The following RFTN1 variants were observed in gnomAD, a reference collection of about 807,000 sequenced individuals.
The protein encoded by RFTN1 is raftlin, lipid raft linker 1, also known as raftlin.
In RFTN1, 26 loss-of-function variants were observed where a neutral mutation model predicts 46.5. That is an observed-to-expected ratio of 0.56 (90% CI 0.41 to 0.78). The LOEUF (loss-of-function observed/expected upper bound fraction) is 0.78. Among genes scored for constraint, RFTN1 ranks in the 30% least tolerant of loss-of-function variants. RFTN1 has a pLI of 0.00. For missense variants in RFTN1, 693 were observed against 718.7 expected, an observed-to-expected ratio of 0.96 and a Z score of 0.41; for synonymous variants, 261 against 284.2, an observed-to-expected ratio of 0.92 and a Z score of 0.82.
intron 2 of RFTN1, among the ~76,000 whole-genome samples, chr3:16,461,734 C>G (rs1205144550): frequency 1.3e-5 from 2 of 152,188 alleles, no homozygotes; most frequent in Non-Finnish European, 1.5e-5. Context: ...GTAATTACTT[C>G]AATTCATTCA....
Position 16,504,539 on chromosome 3 carries a change from G to T in RFTN1, c.-9+8903C>A, listed in dbSNP as rs1340218675. Among the ~76,000 whole-genome samples, 1 of 152,210 alleles carries T rather than the reference G, an allele frequency of 6.6e-6. No homozygotes were observed. Among genetic ancestry groups the T allele is most frequent in the Admixed American group, 6.5e-5 (1 of 15,282 alleles). On this transcript the variant is annotated intron_variant, in intron 1 of 9. Coordinates refer to ENST00000334133, the MANE Select transcript of RFTN1 (RefSeq NM_015150.2). The surrounding 1 kb of genome is among the most constrained non-coding windows in gnomAD (Gnocchi z 4.4). Reference sequence around the variant, plus strand: ...GTATTGCTGCATTTCCCTCAAAGATGTGAAATATCCCTTGGCCACCCTGTG... The same window carrying T: ...GTATTGCTGCATTTCCCTCAAAGATTTGAAATATCCCTTGGCCACCCTGTG...
intron 6 of RFTN1, among the ~76,000 whole-genome samples, chr3:16,369,711 G>A (rs142872265): frequency 9.2e-5 from 14 of 152,302 alleles, no homozygotes; most frequent in Admixed American, 8.5e-4. Flanking sequence ...CTGTAATAGT[G>A]TCTACAAACA....
At chr3:16,476,449 G>T (rs1181776488) in intron 2 of RFTN1, among the ~76,000 whole-genome samples, 2 of 152,190 alleles carry the variant, frequency 1.3e-5, no homozygotes, top group Non-Finnish European at 2.9e-5. Context: ...ACAATAATAT[G>T]ATTTCAGATG....
rs568855945 is a variant in RFTN1, at chr3:16,440,144, G to A, written c.146-6107C>T. Among the ~76,000 whole-genome samples the A allele has an allele frequency of 6.8e-4, 104 of 152,296 alleles. No homozygotes were observed. Among genetic ancestry groups the A allele is most frequent in the African/African-American group, 2.3e-3 (96 of 41,556 alleles). ...AATGCCAGCCTACTCAGAGTGGGCCGCTGCCGCGAGGGCTGATCACACTTT... is the reference window on the plus strand; with the variant it reads ...AATGCCAGCCTACTCAGAGTGGGCCACTGCCGCGAGGGCTGATCACACTTT... On this transcript the variant is annotated intron_variant, in intron 2 of 9. Transcript: ENST00000334133. The surrounding 1 kb of genome is among the most constrained non-coding windows in gnomAD (Gnocchi z 4.6).
In RFTN1 at chr3:16,410,008, T is replaced by A. The variant is rs868866098; in HGVS notation, c.333-525A>T. On this transcript the variant is annotated intron_variant, in intron 3 of 9. Coordinates refer to ENST00000334133, the MANE Select transcript of RFTN1 (RefSeq NM_015150.2). The surrounding 1 kb of genome is among the most constrained non-coding windows in gnomAD (Gnocchi z 4.6). ...AGACGCAGAATATTTTTTTTTTTTTTTAAAAAGAATCATTGGGTCTTTAAT... is the reference window on the plus strand; with the variant it reads ...AGACGCAGAATATTTTTTTTTTTTTATAAAAAGAATCATTGGGTCTTTAAT... Among the ~76,000 whole-genome samples, 42 of 138,626 alleles carry A rather than the reference T, an allele frequency of 3.0e-4. No homozygotes were observed. In the South Asian group the frequency reaches 5.5e-3, roughly 18 times the overall value. 90.9% of individuals were successfully genotyped at this position (138,626 alleles called of 152,430 possible).
intron 7 of RFTN1, among the ~76,000 whole-genome samples, chr3:16,354,741 T>C (rs2072319467): frequency 6.6e-6 from 1 of 152,256 alleles, no homozygotes; most frequent in Admixed American, 6.5e-5. Context: ...CTTTAAGCTC[T>C]GCTTCCCTTT....
chr3:16,400,952 G>A lies in RFTN1; in HGVS notation c.441+8423C>T, dbSNP rs138006992. Among the ~76,000 whole-genome samples, 21 of 151,656 alleles carry A rather than the reference G, an allele frequency of 1.4e-4. No homozygotes were observed. The highest frequency in any genetic ancestry group is 8.4e-4 in the South Asian group (4 of 4,768). ...CATTACCTTGTGCCCCTCCCACCTC[G>A]CCCTGCCTGGAACCTGCCTCCATCT... On this transcript the variant is annotated intron_variant, in intron 4 of 9. Coordinates refer to ENST00000334133, the MANE Select transcript of RFTN1 (RefSeq NM_015150.2). The surrounding 1 kb of genome is among the most constrained non-coding windows in gnomAD (Gnocchi z 4.5).
intron 4 of RFTN1, among the ~76,000 whole-genome samples, chr3:16,399,003 A>G (rs2074539655): frequency 6.6e-6 from 1 of 152,242 alleles, no homozygotes; most frequent in Admixed American, 6.5e-5. Context: ...AGAGCTAACA[A>G]TAGGCCACTT....
At chr3:16,378,162 G>A (rs1163307079) in intron 4 of RFTN1, 60 bp from the exon 5 acceptor site, 40 of 1,455,394 alleles carry the variant, frequency 2.7e-5, no homozygotes, top group Admixed American at 1.2e-4. Flanking sequence ...AAAGGGACAC[G>A]TGCAGCGTGC....
At position 16,449,040 on chromosome 3, in the gene RFTN1, A is replaced by C. The variant is rs2075781292; in HGVS notation, c.146-15003T>G. Among the ~76,000 whole-genome samples the C allele has an allele frequency of 6.6e-6, 1 of 152,174 alleles. No homozygotes were observed. The highest frequency in any genetic ancestry group is 6.5e-5 in the Admixed American group (1 of 15,282). On this transcript the variant is annotated intron_variant, in intron 2 of 9. Transcript: ENST00000334133. This position sits in a 1 kb window ranked among gnomAD's most constrained non-coding sequence, Gnocchi z 5.1. ...TTAATAAATGCATCCGTGTGGTATTAATGTTTCAACTTAACATAGTTTTCC... is the reference window on the plus strand; with the variant it reads ...TTAATAAATGCATCCGTGTGGTATTCATGTTTCAACTTAACATAGTTTTCC...
intron 6 of RFTN1, among the ~76,000 whole-genome samples, chr3:16,360,129 CTT>C (rs924541936): frequency 6.6e-5 from 10 of 151,678 alleles, no homozygotes; most frequent in Non-Finnish European, 1.2e-4. Flanking sequence ...AATTAATTCT[CTT>C]TATCTTTCCA....
rs1227794740 is a variant in RFTN1 at position 16,507,019 on chromosome 3, C to A, written c.-9+6423G>T. On this transcript the variant is annotated intron_variant, in intron 1 of 9. Coordinates refer to ENST00000334133, the MANE Select transcript of RFTN1 (RefSeq NM_015150.2). This position sits in a 1 kb window ranked among gnomAD's most constrained non-coding sequence, Gnocchi z 7.1. ...GCTCTGGAACCAGACTGACTAGGTTCAAATCCTGCTGCCCTTATTTCCTAC... is the reference window on the plus strand; with the variant it reads ...GCTCTGGAACCAGACTGACTAGGTTAAAATCCTGCTGCCCTTATTTCCTAC... Among the ~76,000 whole-genome samples the A allele has an allele frequency of 2.6e-5, 4 of 152,156 alleles. No individual in the cohort carries two copies. Among genetic ancestry groups the A allele is most frequent in the Non-Finnish European group, 5.9e-5 (4 of 68,010 alleles).
rs1021346782 is a variant in RFTN1 at position 16,426,218 on chromosome 3, G to A, written c.332+7633C>T. On this transcript the variant is annotated intron_variant, in intron 3 of 9. Transcript: ENST00000334133. The surrounding 1 kb of genome is among the most constrained non-coding windows in gnomAD (Gnocchi z 5.9). ...CACTCTAGGGCTGATCCTCGGCCTCGCGTGTGAACATTTTCTAGGGCACAC... is the reference window on the plus strand; with the variant it reads ...CACTCTAGGGCTGATCCTCGGCCTCACGTGTGAACATTTTCTAGGGCACAC... Among the ~76,000 whole-genome samples, 4 of 152,034 alleles carry A rather than the reference G, an allele frequency of 2.6e-5. No individual in the cohort carries two copies. The South Asian group carries it at 8.3e-4, about 32-fold the overall frequency.
intron 7 of RFTN1, among the ~76,000 whole-genome samples, chr3:16,332,559 G>T (rs566458555): frequency 6.6e-6 from 1 of 151,932 alleles, no homozygotes. Context: ...ATCTTACCAC[G>T]CCACGTTAGG....
intron 2 of RFTN1, among the ~76,000 whole-genome samples, chr3:16,491,937 C>T (rs2076544754): frequency 6.6e-6 from 1 of 152,148 alleles, no homozygotes. Context: ...ATTGTAGGCA[C>T]TTAAAAATTC....
intron 6 of RFTN1, among the ~76,000 whole-genome samples, chr3:16,368,506 C>T (rs1242043192): frequency 6.6e-6 from 1 of 152,138 alleles, no homozygotes; most frequent in Non-Finnish European, 1.5e-5. Flanking sequence ...CCCATCTCTA[C>T]TAAAAATACA....
chr3:16,493,605 T>C lies in RFTN1; in HGVS notation c.145+120A>G. 8 of 936,092 alleles carry C rather than the reference T, an allele frequency of 8.5e-6. No individual in the cohort carries two copies. The South Asian group carries it at 8.7e-5, about 10-fold the overall frequency. The allele number at this position is 936,092 out of a possible 1,614,324, so 58.0% of individuals were successfully genotyped here. ...GTAAGCCGCCCCCTTGAGACAGGCC[T>C]GCCCTTTTCATTTCTTCACAGCCCC... On this transcript the variant is annotated intron_variant, in intron 2 of 9. Coordinates refer to ENST00000334133, the MANE Select transcript of RFTN1 (RefSeq NM_015150.2).
chr3:16,502,319 C>G (rs760242470), intron 1 of RFTN1, among the ~76,000 whole-genome samples: 17 of 151,830 alleles, frequency 1.1e-4, no homozygotes, highest in South Asian at 8.3e-4. Flanking sequence ...CATGATCTCG[C>G]CACTGCATGA....
Position 16,387,604 on chromosome 3 carries a change from CTCTCTCTA to C in RFTN1, c.442-9510_442-9503del, listed in dbSNP as rs1168010530. ...TCTCTCTCTCTCTCTCTCTCTCTCT[CTCTCTCTA>C]CTGGCTCCTTCCACTCAGCATACAA... On this transcript the variant is annotated intron_variant, in intron 4 of 9. Transcript: ENST00000334133. The surrounding 1 kb of genome is among the most constrained non-coding windows in gnomAD (Gnocchi z 5.2). Among the ~76,000 whole-genome samples, 1,941 of 142,992 alleles carry C rather than the reference CTCTCTCTA, an allele frequency of 0.014. 62 individuals carry two copies. Among genetic ancestry groups the C allele is most frequent in the African/African-American group, 0.046 (1,816 of 39,554 alleles). 93.8% of individuals were successfully genotyped at this position (142,992 alleles called of 152,430 possible).
Sources: allele counts gnomAD v4.1 joint callset (sites outside exome capture counted in the v4.1 genomes callset), GRCh38; gene constraint gnomAD v4.1.1; non-coding constraint Gnocchi (gnomAD v3.1); transcripts MANE v1.5; gene names NCBI Gene and HGNC (gene_info 2026-07-23, HGNC 2026-07-21).